The following FMN1 variants were observed in gnomAD, a reference collection of about 807,000 sequenced individuals.
FMN1 encodes the protein formin-1.
In FMN1, 110 loss-of-function variants were observed where a neutral mutation model predicts 132.4. The ratio of observed to expected loss-of-function variants is 0.83; its 90% CI spans 0.71 to 0.97. The LOEUF (loss-of-function observed/expected upper bound fraction) is 0.97. Among genes scored for constraint, FMN1 ranks in the 50% least tolerant of loss-of-function variants. The pLI is 0.00. For missense variants in FMN1, 1,792 were observed against 1,705.3 expected (o/e 1.05, Z -0.90); for synonymous variants, 722 against 651.7 (o/e 1.11, Z -1.64).
chr15:32,912,749 A>T (rs1203933351), intron 10 of FMN1, among the ~76,000 whole-genome samples: 1 of 152,132 alleles, frequency 6.6e-6, no homozygotes, highest in Non-Finnish European at 1.5e-5. Context: ...AGAAAAAAAA[A>T]AATCAAGGTG....
chr15:32,807,902 C>G (rs547208493), intron 17 of FMN1, among the ~76,000 whole-genome samples: 4 of 152,288 alleles, frequency 2.6e-5, no homozygotes, highest in African/African-American at 9.6e-5. Context: ...CTTGGAAGCT[C>G]TAACAGCATG....
intron 9 of FMN1, among the ~76,000 whole-genome samples, chr15:32,945,275 T>A (rs1212315637): frequency 2.0e-5 from 3 of 152,122 alleles, no homozygotes; most frequent in African/African-American, 7.2e-5. Context: ...GTTTTTCCCA[T>A]GAGCCCCTTT....
intron 16 of FMN1, among the ~76,000 whole-genome samples, chr15:32,887,898 T>G (rs1453020883): frequency 6.6e-6 from 1 of 152,146 alleles, no homozygotes; most frequent in Non-Finnish European, 1.5e-5. Context: ...GCTATTATCA[T>G]TAATAATGTT....
chr15:33,074,611 T>C (rs1043512179), intron 5 of FMN1, among the ~76,000 whole-genome samples: 2 of 152,088 alleles, frequency 1.3e-5, no homozygotes, highest in African/African-American at 4.8e-5. Context: ...TAGAAGAATC[T>C]AAAAGGAAAG....
At chr15:32,894,360 T>C (rs1179296708) in intron 15 of FMN1, among the ~76,000 whole-genome samples, 1 of 152,090 alleles carries the variant, frequency 6.6e-6, no homozygotes. Context: ...GGTGCACACC[T>C]GTAGTCCCAG....
intron 9 of FMN1, among the ~76,000 whole-genome samples, chr15:32,961,129 T>C (rs1035363630): frequency 5.9e-5 from 9 of 151,806 alleles, no homozygotes; most frequent in Non-Finnish European, 1.2e-4. Context: ...ATTCAGATAT[T>C]GTTCATCTTT....
intron 17 of FMN1, among the ~76,000 whole-genome samples, chr15:32,855,238 G>A (rs1050797546): frequency 3.3e-5 from 5 of 151,712 alleles, no homozygotes; most frequent in Admixed American, 6.6e-5. Flanking sequence ...CTGATGATGG[G>A]TCTAGAGTTG....
chr15:32,921,692 T>C (rs963935915), intron 10 of FMN1, among the ~76,000 whole-genome samples: 1 of 149,808 alleles, frequency 6.7e-6, no homozygotes, highest in Non-Finnish European at 1.5e-5. Flanking sequence ...TTTTTTTTTT[T>C]CGAGATAAGA....
intron 4 of FMN1, among the ~76,000 whole-genome samples, chr15:33,152,087 A>G (rs186005316): frequency 6.6e-6 from 1 of 152,340 alleles, no homozygotes; most frequent in East Asian, 1.9e-4. Flanking sequence ...ATTAGGAGCT[A>G]TTCCCTAGAA....
At chr15:32,905,797 A>G (rs1288480542) in intron 12 of FMN1, among the ~76,000 whole-genome samples, 4 of 152,206 alleles carry the variant, frequency 2.6e-5, no homozygotes, top group Non-Finnish European at 4.4e-5. Context: ...TTAATGGCAA[A>G]TAAGTTGCCA....
chr15:33,191,703 G>T (rs183916470), intron 2 of FMN1, among the ~76,000 whole-genome samples: 86 of 152,242 alleles, frequency 5.6e-4, no homozygotes, highest in African/African-American at 1.7e-3. Flanking sequence ...ACATCTCCCC[G>T]CTTTAGTAAT....
intron 16 of FMN1, among the ~76,000 whole-genome samples, chr15:32,874,715 T>A (rs2059597953): frequency 6.6e-6 from 1 of 152,220 alleles, no homozygotes; most frequent in Non-Finnish European, 1.5e-5. Context: ...TAAAATGTGT[T>A]TATAAAGGAC....
In FMN1 at chr15:32,971,428, C is replaced by CGATTACTAA. The variant is rs1266564693; in HGVS notation, c.2224-1952_2224-1951insTTAGTAATC. ...CCTAGCCTTTTGTGAGTTCTACTAC[C>CGATTACTAA]GATTACCTAAGTAATTTCGAGCTTC... On this transcript the variant is annotated intron_variant, in intron 7 of 20. Coordinates refer to ENST00000616417, the MANE Select transcript of FMN1 (RefSeq NM_001277313.2). Among the ~76,000 whole-genome samples the CGATTACTAA allele has an allele frequency of 2.6e-5, 4 of 152,274 alleles. No individual in the cohort carries two copies. The East Asian group carries it at 7.7e-4, about 29-fold the overall frequency.
At chr15:33,149,002 T>C (rs1964340656) in intron 4 of FMN1, among the ~76,000 whole-genome samples, 1 of 118,494 alleles carries the variant, frequency 8.4e-6, no homozygotes, top group African/African-American at 3.9e-5. Context: ...AGGTGGTGAA[T>C]TTGTTTTTTT....
intron 5 of FMN1, among the ~76,000 whole-genome samples, chr15:33,072,882 C>G (rs1397455932): frequency 1.3e-5 from 2 of 151,310 alleles, no homozygotes; most frequent in Admixed American, 1.3e-4. Context: ...GAGATGCACC[C>G]CCTGCACTCC....
intron 5 of FMN1, chr15:33,067,124 C>A: frequency 6.2e-7 from 1 of 1,613,986 alleles, no homozygotes; most frequent in South Asian, 1.1e-5. Context: ...CTCAGTGATA[C>A]CAACACTCGA....
chr15:33,053,836 G>A (rs564652262), intron 6 of FMN1, among the ~76,000 whole-genome samples: 4 of 152,300 alleles, frequency 2.6e-5, no homozygotes, highest in Non-Finnish European at 2.9e-5. Flanking sequence ...GGATGTGTTC[G>A]TTAACTCAGA....
At chr15:33,100,228 A>G (rs1430728114) in intron 4 of FMN1, among the ~76,000 whole-genome samples, 3 of 151,424 alleles carry the variant, frequency 2.0e-5, no homozygotes, top group Non-Finnish European at 4.4e-5. Flanking sequence ...CACAGTAAAA[A>G]AAAAAAAAAA....
intron 7 of FMN1, among the ~76,000 whole-genome samples, chr15:32,984,808 T>G (rs542293134): frequency 1.1e-4 from 16 of 152,168 alleles, no homozygotes; most frequent in African/African-American, 3.4e-4. Context: ...TAACCTTCAT[T>G]GCATCATCCA....
Sources: gnomAD v4.1 joint callset for allele counts (sites outside exome capture counted in the v4.1 genomes callset) on GRCh38, gnomAD v4.1.1 for gene constraint, MANE v1.5 for transcripts, NCBI Gene and HGNC (gene_info 2026-07-23, HGNC 2026-07-21) for gene names.